The following MYO3B variants were observed in gnomAD, a reference collection of about 807,000 sequenced individuals.
MYO3B encodes the protein myosin-IIIb.
MYO3B carries 156 observed loss-of-function variants against 174.6 expected under a neutral mutation model. That is an observed-to-expected ratio of 0.89 (90% confidence interval 0.78 to 1.02). The LOEUF is 1.02. Among genes scored for constraint, MYO3B ranks in the 50% least tolerant of loss-of-function variants. MYO3B has a pLI of 0.00. For synonymous variants in MYO3B, 563 were observed against 569.1 expected, an observed-to-expected ratio of 0.99 and a Z score of 0.15; for missense variants, 1,632 against 1,639.4, an observed-to-expected ratio of 1.00 and a Z score of 0.08.
At chr2:170,629,161 G>A (rs909570523) in intron 32 of MYO3B, among the ~76,000 whole-genome samples, 1 of 152,212 alleles carries the variant, frequency 6.6e-6, no homozygotes, top group African/African-American at 2.4e-5. Flanking sequence ...GCCAGTATGG[G>A]CATAAACTGT....
intron 27 of MYO3B, among the ~76,000 whole-genome samples, chr2:170,500,028 G>A (rs918018501): frequency 1.3e-5 from 2 of 151,040 alleles, no homozygotes; most frequent in Admixed American, 6.7e-5. Flanking sequence ...CTACTACACA[G>A]GTTCTGTGCC....
chr2:170,405,722 A>C (rs1325624968), intron 21 of MYO3B, 89 bp downstream of exon 21: 12 of 1,035,272 alleles, frequency 1.2e-5, no homozygotes, highest in Non-Finnish European at 1.6e-5. Flanking sequence ...GAAATTGCTT[A>C]CAGATTTCTT....
At chr2:170,330,280 G>C (rs936213157) in intron 7 of MYO3B, among the ~76,000 whole-genome samples, 4 of 152,228 alleles carry the variant, frequency 2.6e-5, no homozygotes, top group Admixed American at 2.0e-4. Context: ...TTGAGGCATT[G>C]CTTGCTAACT....
intron 7 of MYO3B, among the ~76,000 whole-genome samples, chr2:170,304,565 A>G (rs2093688068): frequency 6.6e-6 from 1 of 151,178 alleles, no homozygotes; most frequent in African/African-American, 2.4e-5. Flanking sequence ...CCCAGGTTCA[A>G]GTGATTCTCC....
At chr2:170,426,995 G>T (rs1276018902) in intron 22 of MYO3B, among the ~76,000 whole-genome samples, 1 of 151,622 alleles carries the variant, frequency 6.6e-6, no homozygotes, top group Non-Finnish European at 1.5e-5. Flanking sequence ...TCTAGCCTGG[G>T]TGATAGTGCG....
At chr2:170,612,537 G>A (rs1371101553) in intron 32 of MYO3B, among the ~76,000 whole-genome samples, 4 of 152,156 alleles carry the variant, frequency 2.6e-5, no homozygotes. Flanking sequence ...CATCCCCAGT[G>A]TGTAGAACAA....
At chr2:170,254,286 G>A (rs544314400) in intron 7 of MYO3B, among the ~76,000 whole-genome samples, 5 of 152,256 alleles carry the variant, frequency 3.3e-5, no homozygotes, top group East Asian at 1.9e-4. Flanking sequence ...CCTGCATGGC[G>A]CCCAGAAGGT....
At chr2:170,550,282 T>C (rs1399794782) in intron 32 of MYO3B, among the ~76,000 whole-genome samples, 1 of 152,210 alleles carries the variant, frequency 6.6e-6, no homozygotes, top group Non-Finnish European at 1.5e-5. Context: ...ATTGCTAGCA[T>C]GTGAGGTTAG....
chr2:170,531,389 A>G (rs1689344440), intron 30 of MYO3B, among the ~76,000 whole-genome samples: 2 of 152,282 alleles, frequency 1.3e-5, no homozygotes. Flanking sequence ...AGGGCCCTAG[A>G]GTCCACTAGA....
At chr2:170,394,752 A>C (rs552256668) in intron 16 of MYO3B, among the ~76,000 whole-genome samples, 123 of 152,324 alleles carry the variant, frequency 8.1e-4, no homozygotes, top group African/African-American at 2.9e-3. Context: ...CCAACTCTGA[A>C]TTCTGTGGTT....
intron 31 of MYO3B, 21 bp downstream of exon 31, chr2:170,542,987 C>A: frequency 6.3e-7 from 1 of 1,596,596 alleles, no homozygotes; most frequent in Non-Finnish European, 8.6e-7. Flanking sequence ...ATCTTGATTC[C>A]AAAGTAAATG....
intron 1 of MYO3B, among the ~76,000 whole-genome samples, chr2:170,193,323 TA>T (rs1427607764): frequency 1.3e-5 from 2 of 152,070 alleles, no homozygotes. Context: ...TGATAGTTTT[TA>T]ACTTTACTCT....
chr2:170,288,713 G>A (rs150655814), intron 7 of MYO3B, among the ~76,000 whole-genome samples: 194 of 151,358 alleles, frequency 1.3e-3, no homozygotes, highest in African/African-American at 4.0e-3. Context: ...CCTTTTTTTC[G>A]TTCTTTCCTA....
intron 22 of MYO3B, 49 bp downstream of exon 22, chr2:170,407,893 C>T (rs1558971782): frequency 6.2e-7 from 1 of 1,608,172 alleles, no homozygotes; most frequent in Non-Finnish European, 8.5e-7. Flanking sequence ...TTTGCAAGAC[C>T]AGGTGAAATT....
At chr2:170,424,733 A>G (rs1022705326) in intron 22 of MYO3B, among the ~76,000 whole-genome samples, 2 of 152,222 alleles carry the variant, frequency 1.3e-5, no homozygotes, top group Non-Finnish European at 2.9e-5. Flanking sequence ...ACACATTTTA[A>G]TAGTTCTCTT....
intron 8 of MYO3B, chr2:170,346,418 A>G (rs2094016406): frequency 6.6e-6 from 1 of 152,184 alleles, no homozygotes; most frequent in African/African-American, 2.4e-5. Flanking sequence ...ATTGTAAAGC[A>G]TCACTACAAT....
At position 170,387,321 on chromosome 2, in the gene MYO3B, C is replaced by A; in HGVS notation, c.1577+13C>A. On this transcript the variant is annotated intron_variant, in intron 14 of 34. Transcript: ENST00000408978. ...TAAAACAGGCAGCGTAGGTGCACTA[C>A]TTTATCACTGTGTTTTTGCCCTGCA... 6.2e-7 allele frequency: 1 copy of A among 1,611,564 alleles called. No individual in the cohort carries two copies. The highest frequency in any genetic ancestry group is 2.2e-5 in the East Asian group (1 of 44,842).
chr2:170,547,278 C>T lies in MYO3B; in HGVS notation c.3733+3290C>T, dbSNP rs370210621. 2.2e-4 allele frequency among the ~76,000 whole-genome samples: 33 copies of T among 151,068 alleles called. 2 individuals carry two copies. The East Asian group carries it at 4.9e-3, about 22-fold the overall frequency. ...CTGGGAGGCGGAGCTTGCAGTGAGC[C>T]GAGATCGCGCCACTGTACTCCAGCC... On this transcript the variant is annotated intron_variant, in intron 32 of 34. Coordinates refer to ENST00000408978, the MANE Select transcript of MYO3B (RefSeq NM_138995.5).
chr2:170,634,690 G>A (rs1028268922), intron 32 of MYO3B, among the ~76,000 whole-genome samples: 16 of 152,196 alleles, frequency 1.1e-4, no homozygotes, highest in African/African-American at 3.6e-4. Flanking sequence ...GCAACCTACA[G>A]AATGGGAGGA....
Sources: gnomAD v4.1 joint callset for allele counts (sites outside exome capture counted in the v4.1 genomes callset) on GRCh38, gnomAD v4.1.1 for gene constraint, MANE v1.5 for transcripts, NCBI Gene and HGNC (gene_info 2026-07-23, HGNC 2026-07-21) for gene names.